The following GRID1 variants were observed in gnomAD, a reference collection of about 807,000 sequenced individuals.
GRID1 encodes glutamate receptor ionotropic, delta-1.
GRID1 carries 28 observed loss-of-function variants against 98.0 expected under a neutral mutation model. The observed-to-expected ratio is 0.29, with a 90% CI of 0.21 to 0.39. The LOEUF (loss-of-function observed/expected upper bound fraction) is 0.39. GRID1 is among the 10% of genes least tolerant of loss of function. The pLI is 1.00. For missense variants in GRID1, 1,111 were observed against 1,340.5 expected, an observed-to-expected ratio of 0.83 and a Z score of 2.67; for synonymous variants, 553 against 538.5, an observed-to-expected ratio of 1.03 and a Z score of -0.37.
chr10:85,774,250 G>T (rs1256575717), intron 8 of GRID1, among the ~76,000 whole-genome samples: 1 of 152,140 alleles, frequency 6.6e-6, no homozygotes, highest in Non-Finnish European at 1.5e-5. Flanking sequence ...AATAAATGGT[G>T]CTGGGAAAAC....
At chr10:86,042,845 G>A (rs377381624) in intron 4 of GRID1, among the ~76,000 whole-genome samples, 108 of 152,260 alleles carry the variant, frequency 7.1e-4, no homozygotes, top group African/African-American at 2.3e-3. Context: ...TCGTGCTTTC[G>A]GAGGCTGGGG....
At chr10:86,352,471 C>T (rs1014239430) in intron 2 of GRID1, among the ~76,000 whole-genome samples, 1 of 152,208 alleles carries the variant, frequency 6.6e-6, no homozygotes, top group Non-Finnish European at 1.5e-5. Flanking sequence ...AGGGTGCCAG[C>T]ATGGTTGGTT....
At chr10:85,907,213 G>C (rs1281145269) in intron 5 of GRID1, among the ~76,000 whole-genome samples, 1 of 152,214 alleles carries the variant, frequency 6.6e-6, no homozygotes, top group Non-Finnish European at 1.5e-5. Flanking sequence ...CAGGGTTCAA[G>C]TGATTCTAAT....
chr10:85,653,309 T>C (rs765636695), intron 12 of GRID1, among the ~76,000 whole-genome samples: 1 of 152,188 alleles, frequency 6.6e-6, no homozygotes, highest in Non-Finnish European at 1.5e-5. Context: ...ATTGATTACA[T>C]AAAGTAGCCA....
At chr10:85,842,407 A>C (rs1192105259) in intron 8 of GRID1, among the ~76,000 whole-genome samples, 1 of 152,064 alleles carries the variant, frequency 6.6e-6, no homozygotes, top group Admixed American at 6.6e-5. Flanking sequence ...CTGTACAACA[A>C]ACCCCCATGA....
chr10:85,865,968 GAGAGA>G (rs1843216656), intron 6 of GRID1, among the ~76,000 whole-genome samples: 1 of 90,688 alleles, frequency 1.1e-5, no homozygotes, highest in African/African-American at 5.2e-5. Context: ...GAGAGAGAGA[GAGAGA>G]GAGAGAGAGA....
chr10:85,835,668 A>G (rs150697606), intron 8 of GRID1, among the ~76,000 whole-genome samples: 1 of 152,338 alleles, frequency 6.6e-6, no homozygotes, highest in East Asian at 1.9e-4. Context: ...AGACTAATAC[A>G]ACAATCAACC....
At chr10:86,012,451 C>T (rs1222282798) in intron 4 of GRID1, among the ~76,000 whole-genome samples, 3 of 152,050 alleles carry the variant, frequency 2.0e-5, no homozygotes, top group Non-Finnish European at 4.4e-5. Flanking sequence ...GTTAATTGAC[C>T]CTGACCCTGA....
intron 2 of GRID1, among the ~76,000 whole-genome samples, chr10:86,332,341 G>A (rs779892050): frequency 1.3e-5 from 2 of 152,074 alleles, no homozygotes; most frequent in Admixed American, 1.3e-4. Context: ...AATTCTAGAC[G>A]GACCCCCTAG....
chr10:85,809,961 T>C (rs1842655977), intron 8 of GRID1, among the ~76,000 whole-genome samples: 1 of 152,338 alleles, frequency 6.6e-6, no homozygotes, highest in Admixed American at 6.5e-5. Context: ...TTCACATGGC[T>C]GCTTTTCACT....
At chr10:86,319,709 T>A (rs1847944494) in intron 2 of GRID1, among the ~76,000 whole-genome samples, 1 of 152,182 alleles carries the variant, frequency 6.6e-6, no homozygotes, top group African/African-American at 2.4e-5. Context: ...AGGTGGGCAA[T>A]CCTGGTGTCT....
At chr10:85,892,762 G>A (rs1367418133) in intron 5 of GRID1, among the ~76,000 whole-genome samples, 1 of 151,998 alleles carries the variant, frequency 6.6e-6, no homozygotes, top group Non-Finnish European at 1.5e-5. Context: ...AACGTCATTG[G>A]TGAATTCTAC....
intron 2 of GRID1, among the ~76,000 whole-genome samples, chr10:86,267,055 AC>A (rs1336031817): frequency 2.0e-5 from 3 of 152,194 alleles, no homozygotes; most frequent in Non-Finnish European, 4.4e-5. Flanking sequence ...CGTCAGCATC[AC>A]GTCACGGCAT....
chr10:86,231,863 G>C (rs773566110), intron 2 of GRID1, among the ~76,000 whole-genome samples: 2 of 152,176 alleles, frequency 1.3e-5, no homozygotes, highest in African/African-American at 2.4e-5. Flanking sequence ...CCCCAAGGAA[G>C]CAAGCAGTCC....
intron 8 of GRID1, among the ~76,000 whole-genome samples, chr10:85,848,904 T>C (rs535889427): frequency 9.9e-5 from 15 of 152,226 alleles, no homozygotes; most frequent in Non-Finnish European, 2.1e-4. Flanking sequence ...AGAATGTTAA[T>C]CCATGAAGAG....
intron 8 of GRID1, among the ~76,000 whole-genome samples, chr10:85,744,235 T>C (rs1376416282): frequency 6.6e-6 from 1 of 152,192 alleles, no homozygotes. Flanking sequence ...CCTTCTCTGT[T>C]AGACAACAGA....
intron 1 of GRID1, among the ~76,000 whole-genome samples, chr10:86,364,724 CCCCACTCCCATTT>C (rs1340794388): frequency 6.6e-6 from 1 of 152,264 alleles, no homozygotes; most frequent in African/African-American, 2.4e-5. Flanking sequence ...CTCCATCCTT[CCCCACTCCCATTT>C]CCTGTACGTC....
chr10:85,984,055 A>T (rs779715855), intron 4 of GRID1, among the ~76,000 whole-genome samples: 1 of 151,980 alleles, frequency 6.6e-6, no homozygotes, highest in Non-Finnish European at 1.5e-5. Context: ...GACTTCAGGA[A>T]TGTAATCTGA....
chr10:85,629,182 A>G (rs1157996507), intron 13 of GRID1, among the ~76,000 whole-genome samples: 1 of 152,188 alleles, frequency 6.6e-6, no homozygotes, highest in African/African-American at 2.4e-5. Flanking sequence ...GTAATTTTGC[A>G]TCTCAAAAAG....
Sources: gnomAD v4.1 joint callset for allele counts (sites outside exome capture counted in the v4.1 genomes callset) on GRCh38, gnomAD v4.1.1 for gene constraint, MANE v1.5 for transcripts, NCBI Gene and HGNC (gene_info 2026-07-23, HGNC 2026-07-21) for gene names.